The following SYT16 variants were observed in gnomAD, a reference collection of about 807,000 sequenced individuals.
The protein encoded by SYT16 is synaptotagmin 16, also known as synaptotagmin-16.
In SYT16, 42 loss-of-function variants were observed where a neutral mutation model predicts 61.4. The ratio of observed to expected loss-of-function variants is 0.68; its 90% CI spans 0.53 to 0.89. The LOEUF (loss-of-function observed/expected upper bound fraction) is 0.89. SYT16 is among the 40% of genes least tolerant of loss of function. The probability of loss-of-function intolerance (pLI) is 0.00; values close to 1 mark genes in which losing one functional copy is unlikely to be tolerated. For synonymous variants in SYT16, 314 were observed against 302.3 expected (o/e 1.04, Z -0.40); for missense variants, 804 against 807.3 (o/e 1.00, Z 0.05).
chr14:61,826,732 A>C (rs902646994), intron 1 of SYT16, among the ~76,000 whole-genome samples: 1 of 151,798 alleles, frequency 6.6e-6, no homozygotes, highest in Non-Finnish European at 1.5e-5. Context: ...GTCAGCTGGG[A>C]CTCTCATAAC....
intron 1 of SYT16, among the ~76,000 whole-genome samples, chr14:61,968,493 A>T (rs1384998496): frequency 6.6e-6 from 1 of 152,014 alleles, no homozygotes; most frequent in East Asian, 1.9e-4. Flanking sequence ...GGAGGATGGG[A>T]TCCAGACCTC....
chr14:61,917,614 G>C (rs1482012634), intron 1 of SYT16, among the ~76,000 whole-genome samples: 11 of 152,056 alleles, frequency 7.2e-5, no homozygotes, highest in Non-Finnish European at 1.5e-5. Flanking sequence ...TGAGTTTCTG[G>C]ATTTGATTAC....
intron 3 of SYT16, among the ~76,000 whole-genome samples, chr14:62,012,787 T>G (rs1367789781): frequency 6.6e-6 from 1 of 152,192 alleles, no homozygotes; most frequent in Non-Finnish European, 1.5e-5. Context: ...ATTCTGCAAA[T>G]GGTGCATCCA....
chr14:61,986,540 G>A (rs2052323251), intron 2 of SYT16, among the ~76,000 whole-genome samples: 1 of 151,710 alleles, frequency 6.6e-6, no homozygotes, highest in Non-Finnish European at 1.5e-5. Flanking sequence ...CCATGTTGGT[G>A]TGCTGCACCC....
At chr14:61,985,721 AG>A (rs2052278829) in intron 2 of SYT16, among the ~76,000 whole-genome samples, 1 of 152,202 alleles carries the variant, frequency 6.6e-6, no homozygotes, top group South Asian at 2.1e-4. Context: ...TAGATTTTTT[AG>A]GAGGTTGACC....
In SYT16 at chr14:62,081,245, C is replaced by T; in HGVS notation, c.1405C>T (p.Leu469=). The T allele has an allele frequency of 1.2e-6, 2 of 1,613,886 alleles. No individual in the cohort carries two copies. The highest frequency in any genetic ancestry group is 8.5e-7 in the Non-Finnish European group (1 of 1,179,852). The change falls in exon 6 of 8, where the codon CTG becomes TTG. Residue 469 remains leucine, a synonymous_variant. Coordinates refer to ENST00000683842, the MANE Select transcript of SYT16 (RefSeq NM_001367656.1). The part of the protein sequence containing the change: ...LHPEGEMKVT[L]VLEPRSNISS... Reference sequence around the variant, plus strand: ...CCCAGAAGGGGAAATGAAAGTGACTCTGGTTCTGGAGCCAAGAAGTAATAT... The same window carrying T: ...CCCAGAAGGGGAAATGAAAGTGACTTTGGTTCTGGAGCCAAGAAGTAATAT...
At chr14:62,027,832 C>G (rs2054160633) in intron 3 of SYT16, among the ~76,000 whole-genome samples, 2 of 152,198 alleles carry the variant, frequency 1.3e-5, no homozygotes, top group Non-Finnish European at 2.9e-5. Context: ...CTTCCCCAAG[C>G]TGCTTGAAAA....
intron 2 of SYT16, among the ~76,000 whole-genome samples, chr14:61,978,809 T>A (rs1021590573): frequency 1.3e-5 from 2 of 152,156 alleles, no homozygotes; most frequent in Non-Finnish European, 2.9e-5. Context: ...CAAACAAGGT[T>A]TTTCCTTCAT....
chr14:61,839,781 C>T (rs1381974710), intron 1 of SYT16, among the ~76,000 whole-genome samples: 1 of 152,050 alleles, frequency 6.6e-6, no homozygotes, highest in Non-Finnish European at 1.5e-5. Context: ...GCATTATATT[C>T]CCATGCGCTT....
intron 3 of SYT16, among the ~76,000 whole-genome samples, chr14:62,010,722 C>CT (rs1009423933): frequency 5.8e-4 from 88 of 150,844 alleles, no homozygotes; most frequent in Middle Eastern, 3.4e-3. Context: ...AATTGTTTGT[C>CT]TTTTTTTTTG....
intron 1 of SYT16, among the ~76,000 whole-genome samples, chr14:61,883,540 C>T (rs1201798939): frequency 6.6e-6 from 1 of 152,214 alleles, no homozygotes; most frequent in South Asian, 2.1e-4. Flanking sequence ...ATATCACTAT[C>T]AGCATTTTGG....
rs913092441 is a variant in SYT16 at position 62,107,087 on chromosome 14, A to G, written c.*6380A>G. 6.8e-6 allele frequency: 1 copy of G among 147,668 alleles called. No individual in the cohort carries two copies. Among genetic ancestry groups the G allele is most frequent in the African/African-American group, 2.5e-5 (1 of 39,808 alleles). The allele number at this position is 147,668 out of a possible 1,614,324, so 9.1% of individuals were successfully genotyped here. ...TTTGTTTACGTCATTTCCCCCTTGA[A>G]GTATCTAGTTGCTGGGGTTTTGTTT... On this transcript the variant is annotated 3_prime_UTR_variant, in exon 8 of 8. Transcript: ENST00000683842.
intron 3 of SYT16, among the ~76,000 whole-genome samples, chr14:62,009,701 G>T (rs892730364): frequency 1.3e-5 from 2 of 152,152 alleles, no homozygotes; most frequent in African/African-American, 4.8e-5. Context: ...TTTACTCACT[G>T]TTCCTATTAG....
At chr14:61,979,941 G>A (rs532284484) in intron 2 of SYT16, among the ~76,000 whole-genome samples, 13 of 152,158 alleles carry the variant, frequency 8.5e-5, no homozygotes, top group Non-Finnish European at 5.9e-5. Context: ...TGCACAGTAA[G>A]TTTTAGAATT....
At chr14:61,893,546 TTAA>T (rs769099423) in intron 1 of SYT16, among the ~76,000 whole-genome samples, 1 of 152,234 alleles carries the variant, frequency 6.6e-6, no homozygotes, top group Non-Finnish European at 1.5e-5. Flanking sequence ...AAAAGAATCA[TTAA>T]TAATAATCCA....
intron 1 of SYT16, among the ~76,000 whole-genome samples, chr14:61,875,683 C>A (rs1349660409): frequency 6.6e-6 from 1 of 152,168 alleles, no homozygotes; most frequent in Non-Finnish European, 1.5e-5. Context: ...TTGGTGGATA[C>A]TCCTGTTACT....
chr14:61,953,270 G>T (rs2050741771), intron 1 of SYT16, among the ~76,000 whole-genome samples: 1 of 152,150 alleles, frequency 6.6e-6, no homozygotes. Flanking sequence ...AGTGCTTAAA[G>T]GTTTCCAATT....
intron 1 of SYT16, among the ~76,000 whole-genome samples, chr14:61,931,730 T>A (rs2049778854): frequency 6.6e-6 from 1 of 152,224 alleles, no homozygotes; most frequent in African/African-American, 2.4e-5. Context: ...TGTGTACATC[T>A]AGGATCATTT....
rs1057190887 is a variant in SYT16 at position 62,110,827 on chromosome 14, G to T, written c.*10120G>T. ...ATAGCTTTTCCTCCCCTACAAAGTGGATTTGAATACAGTCCTTAGAAAAAT... is the reference window on the plus strand; with the variant it reads ...ATAGCTTTTCCTCCCCTACAAAGTGTATTTGAATACAGTCCTTAGAAAAAT... On this transcript the variant is annotated 3_prime_UTR_variant, in exon 8 of 8. Coordinates refer to ENST00000683842, the MANE Select transcript of SYT16 (RefSeq NM_001367656.1). 2 of 151,948 alleles carry T rather than the reference G, an allele frequency of 1.3e-5. No individual in the cohort carries two copies. Among genetic ancestry groups the T allele is most frequent in the African/African-American group, 2.4e-5 (1 of 41,396 alleles). 9.4% of individuals were successfully genotyped at this position (151,948 alleles called of 1,614,324 possible). A position where few individuals can be genotyped will look rare whatever the true frequency, so the allele number is the denominator to read the frequency against.
Sources: gnomAD v4.1 joint callset for allele counts (sites outside exome capture counted in the v4.1 genomes callset) on GRCh38, gnomAD v4.1.1 for gene constraint, MANE v1.5 for transcripts, NCBI Gene and HGNC (gene_info 2026-07-23, HGNC 2026-07-21) for gene names.